SLC30A7: variants seen among roughly 807,000 people sequenced by gnomAD.
SLC30A7 encodes zinc transporter 7.
In SLC30A7, 35 loss-of-function variants were observed where a neutral mutation model predicts 46.0. That is an observed-to-expected ratio of 0.76 (90% CI 0.58 to 1.01). SLC30A7 has a LOEUF of 1.01. SLC30A7 is among the 50% of genes least tolerant of loss of function. The pLI is 0.00. For missense variants in SLC30A7, 464 were observed against 451.1 expected (o/e 1.03, Z -0.26); for synonymous variants, 147 against 157.8 (o/e 0.93, Z 0.51).
At chr1:100,989,563 A>G in the SLC30A7 span, 1 of 152,338 alleles carries the variant, frequency 6.6e-6, no homozygotes, top group East Asian at 1.9e-4. Context: ...TGCTGTCAGG[A>G]CAACTCCTCA....
Position 100,979,209 on chromosome 1 carries a change from C to T in SLC30A7, c.*4352C>T, listed in dbSNP as rs546629639. 6.6e-6 allele frequency: 1 copy of T among 151,928 alleles called. No homozygotes were observed. The highest frequency in any genetic ancestry group is 1.5e-5 in the Non-Finnish European group (1 of 67,946). The allele number at this position is 151,928 out of a possible 1,614,324, so 9.4% of individuals were successfully genotyped here. On this transcript the variant is annotated 3_prime_UTR_variant, in exon 11 of 11. Transcript: ENST00000357650. The stretch of plus-strand genomic sequence containing the variant: ...TTTCTAACTCTTCATGAAAGCATTA[C>T]CTTTGGAAAGTTAAACTTTTTTTTT...
chr1:100,974,985 G>C lies in SLC30A7; in HGVS notation c.*128G>C. The stretch of plus-strand genomic sequence containing the variant: ...CAACTCCCGAGCACTAAGTAGACGG[G>C]GTAGAGTCAGCCGTTCATGCTTTGT... On this transcript the variant is annotated 3_prime_UTR_variant, in exon 11 of 11. Transcript: ENST00000357650. 1 of 612,726 alleles carries C rather than the reference G, an allele frequency of 1.6e-6. No individual in the cohort carries two copies. 38.0% of individuals were successfully genotyped at this position (612,726 alleles called of 1,614,324 possible).
chr1:100,947,021 G>A (rs1446059126), intron 8 of SLC30A7, among the ~76,000 whole-genome samples: 2 of 152,154 alleles, frequency 1.3e-5, no homozygotes, highest in African/African-American at 2.4e-5. Context: ...TTGGGAGGGT[G>A]TATGTGTCAA....
At chr1:100,904,144 C>T (rs899670091) in intron 2 of SLC30A7, among the ~76,000 whole-genome samples, 2 of 152,096 alleles carry the variant, frequency 1.3e-5, no homozygotes, top group African/African-American at 4.8e-5. Context: ...ACTTACTGGT[C>T]ACGGAACTAG....
At chr1:100,919,653 C>T (rs1237949854) in intron 7 of SLC30A7, among the ~76,000 whole-genome samples, 2 of 152,036 alleles carry the variant, frequency 1.3e-5, no homozygotes, top group South Asian at 4.1e-4. Context: ...TGAAAGTCAT[C>T]ACAAGTTGGA....
intron 3 of SLC30A7, 68 bp from the exon 4 acceptor site, chr1:100,910,994 AT>A: frequency 8.2e-7 from 1 of 1,224,520 alleles, no homozygotes; most frequent in Non-Finnish European, 1.2e-6. Flanking sequence ...CTCTGAATGT[AT>A]GTAATTTTAC....
downstream of SLC30A7, among the ~76,000 whole-genome samples, chr1:100,984,445 C>T (rs1458406742): frequency 6.6e-6 from 1 of 152,160 alleles, no homozygotes; most frequent in African/African-American, 2.4e-5. Flanking sequence ...CAAGGATCAT[C>T]CTCAAATCAC....
chr1:100,946,319 C>T (rs1275051848), intron 8 of SLC30A7, among the ~76,000 whole-genome samples: 1 of 152,186 alleles, frequency 6.6e-6, no homozygotes, highest in Non-Finnish European at 1.5e-5. Context: ...ACTTCCAACA[C>T]TATGTTGAAC....
At position 100,976,394 on chromosome 1, in the gene SLC30A7, G is replaced by A. The variant is rs886882271; in HGVS notation, c.*1537G>A. ...TTATTAAAGGTACAGAGGAAATGTGGTGATGTAGAACTTTTCCTAACACAG... is the reference window on the plus strand; with the variant it reads ...TTATTAAAGGTACAGAGGAAATGTGATGATGTAGAACTTTTCCTAACACAG... On this transcript the variant is annotated 3_prime_UTR_variant, in exon 11 of 11. Transcript: ENST00000357650. 1 of 152,202 alleles carries A rather than the reference G, an allele frequency of 6.6e-6. No individual in the cohort carries two copies. The highest frequency in any genetic ancestry group is 2.4e-5 in the African/African-American group (1 of 41,450). The allele number at this position is 152,202 out of a possible 1,614,324, so 9.4% of individuals were successfully genotyped here.
At chr1:100,921,304 G>C (rs1049371818) in intron 7 of SLC30A7, among the ~76,000 whole-genome samples, 1 of 152,032 alleles carries the variant, frequency 6.6e-6, no homozygotes, top group Admixed American at 6.5e-5. Context: ...CTGTATGTAC[G>C]TATATCTATA....
Position 100,926,571 on chromosome 1 carries a change from C to T in SLC30A7, c.842+4730C>T, listed in dbSNP as rs192475034. On this transcript the variant is annotated intron_variant, in intron 8 of 10. Transcript: ENST00000357650. ...GCCCCACCTCCAGCACTGGGGATTACAATTCAGCATGAGTTTTGGGCAGGC... is the reference window on the plus strand; with the variant it reads ...GCCCCACCTCCAGCACTGGGGATTATAATTCAGCATGAGTTTTGGGCAGGC... Among the ~76,000 whole-genome samples, 21 of 152,328 alleles carry T rather than the reference C, an allele frequency of 1.4e-4. 1 individual carries two copies. The East Asian group carries it at 4.1e-3, about 29-fold the overall frequency.
chr1:100,987,071 T>C, the SLC30A7 span, among the ~76,000 whole-genome samples: 1 of 152,210 alleles, frequency 6.6e-6, no homozygotes, highest in African/African-American at 2.4e-5. Context: ...CAGAACAGAA[T>C]TGCCAGATTT....
chr1:100,994,073 A>G, the SLC30A7 span, among the ~76,000 whole-genome samples: 1 of 152,104 alleles, frequency 6.6e-6, no homozygotes, highest in East Asian at 1.9e-4. Context: ...ATTTTAATTA[A>G]TCCAAAATGT....
At chr1:100,937,016 AGATT>A (rs1654005078) in intron 8 of SLC30A7, among the ~76,000 whole-genome samples, 2 of 152,052 alleles carry the variant, frequency 1.3e-5, no homozygotes, top group South Asian at 4.1e-4. Flanking sequence ...TCATACACAT[AGATT>A]ATCTGTATCT....
chr1:100,973,739 A>G (rs983728301), intron 10 of SLC30A7, among the ~76,000 whole-genome samples: 2 of 152,128 alleles, frequency 1.3e-5, no homozygotes, highest in African/African-American at 4.8e-5. Context: ...GAAGACTGAG[A>G]AAGACTGATA....
At chr1:100,936,600 A>G (rs951868826) in intron 8 of SLC30A7, among the ~76,000 whole-genome samples, 1 of 152,214 alleles carries the variant, frequency 6.6e-6, no homozygotes, top group Non-Finnish European at 1.5e-5. Flanking sequence ...AGCATAATAT[A>G]AAATTTACCA....
chr1:100,932,978 CT>C (rs995801710), intron 8 of SLC30A7, among the ~76,000 whole-genome samples: 18,452 of 137,784 alleles, frequency 0.13, 750 homozygotes, highest in Non-Finnish European at 0.16. Context: ...TTTCTTTTTT[CT>C]TTTTTTTTTT....
chr1:100,976,874 G>A lies in SLC30A7; in HGVS notation c.*2017G>A, dbSNP rs752148616. The A allele has an allele frequency of 2.0e-5, 3 of 152,544 alleles. No individual in the cohort carries two copies. Among genetic ancestry groups the A allele is most frequent in the Non-Finnish European group, 4.4e-5 (3 of 68,026 alleles). 9.4% of individuals were successfully genotyped at this position (152,544 alleles called of 1,614,324 possible). ...AAAGTGGCATTTTCTAAACATGTTT[G>A]CTTACTGCCAGGTGGTTTGAAATCT... On this transcript the variant is annotated 3_prime_UTR_variant, in exon 11 of 11. Transcript: ENST00000357650.
In SLC30A7 at chr1:100,951,993, A is replaced by G. The variant is rs565984037; in HGVS notation, c.843-9835A>G. ...TGGAAGGCAGAAGAGTCAGAGTCAA[A>G]GACAAATCTGAAGAGGCTATGCTGC... On this transcript the variant is annotated intron_variant, in intron 8 of 10. Coordinates refer to ENST00000357650, the MANE Select transcript of SLC30A7 (RefSeq NM_133496.5). Among the ~76,000 whole-genome samples, 12 of 152,370 alleles carry G rather than the reference A, an allele frequency of 7.9e-5. No individual in the cohort carries two copies. The South Asian group carries it at 2.3e-3, about 29-fold the overall frequency.
Sources: allele counts gnomAD v4.1 joint callset (sites outside exome capture counted in the v4.1 genomes callset), GRCh38; gene constraint gnomAD v4.1.1; transcripts MANE v1.5; gene names NCBI Gene and HGNC (gene_info 2026-07-23, HGNC 2026-07-21).